FBLN1: variants seen among roughly 807,000 people sequenced by gnomAD.
FBLN1 encodes fibulin-1.
A neutral mutation model predicts 89.7 loss-of-function variants in FBLN1; 34 were observed. The observed-to-expected ratio is 0.38, with a 90% CI of 0.29 to 0.50. FBLN1 has a LOEUF of 0.50. Ranked by LOEUF, FBLN1 falls within the 20% of genes least tolerant of loss-of-function variation. The pLI, the probability that FBLN1 is intolerant of heterozygous loss-of-function variation, is 0.92. For missense variants in FBLN1, 777 were observed against 988.1 expected, an observed-to-expected ratio of 0.79 and a Z score of 2.86; for synonymous variants, 393 against 391.3, an observed-to-expected ratio of 1.00 and a Z score of -0.05.
intron 14 of FBLN1, among the ~76,000 whole-genome samples, chr22:45,554,067 G>T (rs946774449): frequency 1.3e-5 from 2 of 152,244 alleles, no homozygotes; most frequent in Non-Finnish European, 2.9e-5. Context: ...TGAAAGCCAA[G>T]CTTGCCCCTT....
intron 8 of FBLN1, among the ~76,000 whole-genome samples, chr22:45,539,698 G>T (rs181223912): frequency 6.6e-6 from 1 of 152,204 alleles, no homozygotes; most frequent in Non-Finnish European, 1.5e-5. Flanking sequence ...GGGAGAGATC[G>T]GGTGCCCTGT....
intron 14 of FBLN1, among the ~76,000 whole-genome samples, chr22:45,554,169 G>T (rs936068809): frequency 2.0e-5 from 3 of 152,262 alleles, no homozygotes; most frequent in African/African-American, 7.2e-5. Flanking sequence ...GGAGACAGTG[G>T]AGGGAGCGAG....
intron 14 of FBLN1, among the ~76,000 whole-genome samples, chr22:45,567,631 A>C (rs1190487685): frequency 6.6e-6 from 1 of 152,172 alleles, no homozygotes; most frequent in Non-Finnish European, 1.5e-5. Context: ...AAAGATATGC[A>C]AAACGTGTAG....
At position 45,515,031 on chromosome 22, in the gene FBLN1, G is replaced by C. The variant is rs558770185; in HGVS notation, c.80-3651G>C. Among the ~76,000 whole-genome samples, 4 of 152,308 alleles carry C rather than the reference G, an allele frequency of 2.6e-5. No individual in the cohort carries two copies. The South Asian group carries it at 6.2e-4, about 24-fold the overall frequency. On this transcript the variant is annotated intron_variant, in intron 1 of 16. Coordinates refer to ENST00000327858, the MANE Select transcript of FBLN1 (RefSeq NM_006486.3). Reference sequence around the variant, plus strand: ...GTCACTGGTGACTTGACGCTTTTCAGCTTCCTCTGTTCTTAATTCCATTTG... The same window carrying C: ...GTCACTGGTGACTTGACGCTTTTCACCTTCCTCTGTTCTTAATTCCATTTG...
intron 6 of FBLN1, 88 bp from the exon 7 acceptor site, chr22:45,533,673 C>T: frequency 6.6e-7 from 1 of 1,509,250 alleles, no homozygotes; most frequent in Non-Finnish European, 9.1e-7. Context: ...GAAGCACTTC[C>T]ACCGTGGCTT....
At chr22:45,516,036 G>C (rs1602164758) in intron 1 of FBLN1, among the ~76,000 whole-genome samples, 1 of 152,244 alleles carries the variant, frequency 6.6e-6, no homozygotes, top group East Asian at 1.9e-4. Flanking sequence ...AGGCAGGCAG[G>C]GCTCTGGAGG....
rs1276377321 is a variant in FBLN1 at position 45,575,429 on chromosome 22, G to A, written c.1840+776G>A. On this transcript the variant is annotated intron_variant, in intron 15 of 16. Transcript: ENST00000327858. This position sits in a 1 kb window ranked among gnomAD's most constrained non-coding sequence, Gnocchi z 6.3. Reference sequence around the variant, plus strand: ...CTGAGCCAAGGTTTTCTGCTGGAGCGCTAGAGGCTTGGCAAGAGGTGGGCT... The same window carrying A: ...CTGAGCCAAGGTTTTCTGCTGGAGCACTAGAGGCTTGGCAAGAGGTGGGCT... Among the ~76,000 whole-genome samples the A allele has an allele frequency of 6.6e-6, 1 of 152,092 alleles. No homozygotes were observed. The highest frequency in any genetic ancestry group is 2.1e-4 in the South Asian group (1 of 4,818).
At position 45,578,417 on chromosome 22, in the gene FBLN1, A is replaced by T. The variant is rs1207038028; in HGVS notation, c.1972+1309A>T. 1.3e-5 allele frequency: 2 copies of T among 152,234 alleles called. No homozygotes were observed. The highest frequency in any genetic ancestry group is 1.5e-5 in the Non-Finnish European group (1 of 68,042). The allele number at this position is 152,234 out of a possible 1,614,324, so 9.4% of individuals were successfully genotyped here. ...TGGCAGCAGGAATAATTAGTTAATT[A>T]CAATTAATGGTGCATTAGCCCTCGC... is the stretch of plus-strand genomic sequence containing the variant. On this transcript the variant is annotated intron_variant, in intron 16 of 16. Transcript: ENST00000327858. This position sits in a 1 kb window ranked among gnomAD's most constrained non-coding sequence, Gnocchi z 4.6.
chr22:45,583,971 A>G lies in FBLN1; in HGVS notation c.1972+6863A>G, dbSNP rs535514396. Among the ~76,000 whole-genome samples, 6 of 152,234 alleles carry G rather than the reference A, an allele frequency of 3.9e-5. No individual in the cohort carries two copies. The highest frequency in any genetic ancestry group is 1.4e-4 in the African/African-American group (6 of 41,528). On this transcript the variant is annotated intron_variant, in intron 16 of 16. Coordinates refer to ENST00000327858, the MANE Select transcript of FBLN1 (RefSeq NM_006486.3). The surrounding 1 kb of genome is among the most constrained non-coding windows in gnomAD (Gnocchi z 4.5). Reference sequence around the variant, plus strand: ...GGGGGTCACTTCTGCATAGGCCTGCACTATCGATGTAGGTGTGAGGGTCTT... The same window carrying G: ...GGGGGTCACTTCTGCATAGGCCTGCGCTATCGATGTAGGTGTGAGGGTCTT...
chr22:45,516,987 C>T (rs1036976124), intron 1 of FBLN1, among the ~76,000 whole-genome samples: 1 of 152,240 alleles, frequency 6.6e-6, no homozygotes, highest in Non-Finnish European at 1.5e-5. Flanking sequence ...TCCCCTCCTC[C>T]CCTGCTGAGA....
intron 1 of FBLN1, among the ~76,000 whole-genome samples, chr22:45,515,847 A>T (rs941137849): frequency 2.0e-5 from 3 of 152,218 alleles, no homozygotes; most frequent in Admixed American, 2.0e-4. Context: ...CTGCCTGCCC[A>T]GGGTTAGAGA....
chr22:45,587,250 A>G (rs2089095262), intron 16 of FBLN1, among the ~76,000 whole-genome samples: 1 of 151,308 alleles, frequency 6.6e-6, no homozygotes, highest in Non-Finnish European at 1.5e-5. Flanking sequence ...CACTTTTCAC[A>G]TCCATCCCCG....
In FBLN1 at chr22:45,549,811, T is replaced by C. The variant is rs2088678513; in HGVS notation, c.1574-681T>C. The stretch of plus-strand genomic sequence containing the variant: ...GGCTGCTCCCCCATCTCCAGGGGCC[T>C]CTCAGTGTGGTGCCCCAGGCCCCAT... On this transcript the variant is annotated intron_variant, in intron 13 of 16. Transcript: ENST00000327858. The surrounding 1 kb of genome is among the most constrained non-coding windows in gnomAD (Gnocchi z 5.7). Among the ~76,000 whole-genome samples the C allele has an allele frequency of 6.6e-6, 1 of 152,148 alleles. No homozygotes were observed. Among genetic ancestry groups the C allele is most frequent in the South Asian group, 2.1e-4 (1 of 4,830 alleles).
intron 16 of FBLN1, among the ~76,000 whole-genome samples, chr22:45,591,481 T>C (rs1202534306): frequency 6.6e-6 from 1 of 152,194 alleles, no homozygotes; most frequent in Non-Finnish European, 1.5e-5. Context: ...CCAAACTGTC[T>C]GATTTAGCTC....
In FBLN1 at chr22:45,568,571, GTAGGAGAATGCTCCTGT is replaced by G. The variant is rs2088920786; in HGVS notation, c.1698-5939_1698-5923del. Among the ~76,000 whole-genome samples the G allele has an allele frequency of 2.1e-5, 3 of 142,864 alleles. 1 individual carries two copies. Among genetic ancestry groups the G allele is most frequent in the African/African-American group, 8.2e-5 (3 of 36,764 alleles). The allele number at this position is 142,864 out of a possible 152,430, so 93.7% of individuals were successfully genotyped here. On this transcript the variant is annotated intron_variant, in intron 14 of 16. Transcript: ENST00000327858. Reference sequence around the variant, plus strand: ...TCCTTCTGTAGGGCATGCTCCTTCTGTAGGAGAATGCTCCTGTAGGGGAATGCTCCTTCTGTAAGGGA... The same window carrying G: ...TCCTTCTGTAGGGCATGCTCCTTCTGAGGGGAATGCTCCTTCTGTAAGGGA...
At chr22:45,528,391 G>C (rs1224471492) in intron 4 of FBLN1, among the ~76,000 whole-genome samples, 4 of 152,014 alleles carry the variant, frequency 2.6e-5, no homozygotes, top group Admixed American at 2.6e-4. Flanking sequence ...CCAGGCTGGA[G>C]TGCAGTGCAG....
At chr22:45,570,335 A>AAAAAAAG (rs2088941314) in intron 14 of FBLN1, among the ~76,000 whole-genome samples, 1 of 92,774 alleles carries the variant, frequency 1.1e-5, no homozygotes, top group African/African-American at 4.4e-5. Context: ...AAAAAAAAAA[A>AAAAAAAG]AAAAGAAAAG....
intron 14 of FBLN1, among the ~76,000 whole-genome samples, chr22:45,553,959 G>A (rs555778708): frequency 6.6e-6 from 1 of 152,372 alleles, no homozygotes; most frequent in South Asian, 2.1e-4. Context: ...GCCCCATCCA[G>A]GCTGGTCCTG....
chr22:45,509,291 G>C (rs929892806), intron 1 of FBLN1, among the ~76,000 whole-genome samples: 6 of 152,226 alleles, frequency 3.9e-5, no homozygotes. Context: ...GGCCAGAGCT[G>C]CCTGGAGGGA....
Sources: gnomAD v4.1 joint callset for allele counts (sites outside exome capture counted in the v4.1 genomes callset) on GRCh38, gnomAD v4.1.1 for gene constraint, Gnocchi (gnomAD v3.1) non-coding constraint, MANE v1.5 for transcripts, NCBI Gene and HGNC (gene_info 2026-07-23, HGNC 2026-07-21) for gene names.